RIMS2: variants seen among roughly 807,000 people sequenced by gnomAD.
The protein encoded by RIMS2 is regulating synaptic membrane exocytosis protein 2.
RIMS2 carries 59 observed loss-of-function variants against 174.4 expected under a neutral mutation model. The ratio of observed to expected loss-of-function variants is 0.34; its 90% confidence interval spans 0.27 to 0.42. The LOEUF (loss-of-function observed/expected upper bound fraction) is 0.42, where lower values mean the gene tolerates loss of function less well. Among genes scored for constraint, RIMS2 ranks in the 10% least tolerant of loss-of-function variants. The pLI is 1.00. For missense variants in RIMS2, 1,620 were observed against 1,666.3 expected (o/e 0.97, Z 0.48); for synonymous variants, 606 against 572.5 (o/e 1.06, Z -0.84).
chr8:103,725,869 T>C (rs769941677), intron 2 of RIMS2, among the ~76,000 whole-genome samples: 22 of 152,306 alleles, frequency 1.4e-4, no homozygotes, highest in Middle Eastern at 6.8e-3. Context: ...AGCATTTGGT[T>C]GGGTTACTGG....
intron 2 of RIMS2, among the ~76,000 whole-genome samples, chr8:103,758,924 G>A (rs2098070240): frequency 6.6e-6 from 1 of 152,190 alleles, no homozygotes; most frequent in Non-Finnish European, 1.5e-5. Flanking sequence ...GGATGAAATC[G>A]ATGAAATGGG....
At chr8:103,664,874 C>A (rs1243664252) in intron 1 of RIMS2, among the ~76,000 whole-genome samples, 1 of 152,172 alleles carries the variant, frequency 6.6e-6, no homozygotes, top group African/African-American at 2.4e-5. Context: ...TTGGAACCAA[C>A]CCAAATGTCC....
intron 19 of RIMS2, among the ~76,000 whole-genome samples, chr8:104,197,464 A>G (rs543928179): frequency 1.6e-4 from 24 of 152,346 alleles, no homozygotes; most frequent in Admixed American, 1.5e-3. Flanking sequence ...GGCGTGAGCC[A>G]CTGTGCCTGG....
rs565894183 is a variant in RIMS2, at chr8:104,025,704, C to T, written c.3334+11089C>T. On this transcript the variant is annotated intron_variant, in intron 19 of 23. Coordinates refer to ENST00000504942, the Ensembl canonical transcript of RIMS2. The stretch of plus-strand genomic sequence containing the variant: ...TGATCACCCTGAAGCAGTTGTTAAA[C>T]GTATACACACACACACACACACACA... Among the ~76,000 whole-genome samples, 9 of 130,414 alleles carry T rather than the reference C, an allele frequency of 6.9e-5. No individual in the cohort carries two copies. The East Asian group carries it at 8.0e-4, about 12-fold the overall frequency. 85.6% of individuals were successfully genotyped at this position (130,414 alleles called of 152,430 possible). A position where few individuals can be genotyped will look rare whatever the true frequency, so the allele number is the denominator to read the frequency against.
At chr8:104,066,359 C>T (rs191978154) in intron 19 of RIMS2, among the ~76,000 whole-genome samples, 107 of 150,944 alleles carry the variant, frequency 7.1e-4, no homozygotes, top group African/African-American at 2.5e-3. Context: ...CCTGTTTCTA[C>T]GTATATATTT....
chr8:103,643,970 T>G (rs1250243538), intron 1 of RIMS2, among the ~76,000 whole-genome samples: 2 of 152,056 alleles, frequency 1.3e-5, no homozygotes, highest in African/African-American at 4.8e-5. Flanking sequence ...TAGTTTCCCT[T>G]GAGAGAAGAC....
intron 19 of RIMS2, among the ~76,000 whole-genome samples, chr8:104,053,985 C>G (rs1340679096): frequency 6.6e-6 from 1 of 152,070 alleles, no homozygotes; most frequent in African/African-American, 2.4e-5. Flanking sequence ...ACAACTCACT[C>G]TAGTTTGCAG....
chr8:103,782,529 A>T (rs2098401752), intron 3 of RIMS2, among the ~76,000 whole-genome samples: 1 of 151,920 alleles, frequency 6.6e-6, no homozygotes, highest in African/African-American at 2.4e-5. Flanking sequence ...AAGTACAATC[A>T]CTTGGTTAAA....
intron 1 of RIMS2, among the ~76,000 whole-genome samples, chr8:103,646,514 A>G (rs1465149549): frequency 1.3e-5 from 2 of 152,062 alleles, no homozygotes; most frequent in African/African-American, 4.8e-5. Flanking sequence ...AGCATCTGTT[A>G]GCTGTTCCTC....
intron 19 of RIMS2, among the ~76,000 whole-genome samples, chr8:104,239,720 A>C (rs770066682): frequency 1.7e-4 from 26 of 152,212 alleles, no homozygotes; most frequent in Non-Finnish European, 3.4e-4. Flanking sequence ...TTACTGTATT[A>C]GTTTTATATT....
chr8:103,522,865 C>T (rs570019487), intron 1 of RIMS2, among the ~76,000 whole-genome samples: 1 of 152,138 alleles, frequency 6.6e-6, no homozygotes, highest in African/African-American at 2.4e-5. Context: ...TCTTTTCCTC[C>T]TTGAGTTTAG....
rs138935693 is a variant in RIMS2 at position 103,676,827 on chromosome 8, G to A, written c.177-20259G>A. On this transcript the variant is annotated intron_variant, in intron 1 of 23. Transcript: ENST00000504942. ...GTGAAACACTGTCTCTACTAAAAAT[G>A]CAAAAAATTAGCCAGGCATGGTGGC... 6.1e-3 allele frequency among the ~76,000 whole-genome samples: 929 copies of A among 151,952 alleles called. 10 individuals carry two copies. The highest frequency in any genetic ancestry group is 0.021 in the African/African-American group (879 of 41,462).
At chr8:104,119,483 A>G (rs2098338090) in intron 19 of RIMS2, among the ~76,000 whole-genome samples, 1 of 152,330 alleles carries the variant, frequency 6.6e-6, no homozygotes, top group South Asian at 2.1e-4. Context: ...CTTTGCCCAT[A>G]AGATTGAAGA....
At chr8:103,943,559 A>G (rs2083038738) in intron 14 of RIMS2, among the ~76,000 whole-genome samples, 1 of 152,172 alleles carries the variant, frequency 6.6e-6, no homozygotes, top group Admixed American at 6.5e-5. Flanking sequence ...TGTTATTATC[A>G]TCTACCTGCA....
At chr8:103,790,435 T>C (rs996004596) in intron 3 of RIMS2, among the ~76,000 whole-genome samples, 2 of 152,228 alleles carry the variant, frequency 1.3e-5, no homozygotes, top group Non-Finnish European at 2.9e-5. Context: ...GAATCAATAA[T>C]TCATTCCTTT....
chr8:103,880,765 A>T (rs539476878), intron 3 of RIMS2: 3 of 419,778 alleles, frequency 7.1e-6, no homozygotes, highest in African/African-American at 2.1e-5. Flanking sequence ...TTATAAATAG[A>T]AATTGATTTA....
intron 15 of RIMS2, among the ~76,000 whole-genome samples, chr8:103,970,028 G>A (rs530025404): frequency 1.3e-5 from 2 of 152,306 alleles, no homozygotes; most frequent in African/African-American, 2.4e-5. Flanking sequence ...GAGATTACAG[G>A]TGTGAGCCAC....
intron 3 of RIMS2, among the ~76,000 whole-genome samples, chr8:103,768,047 G>A (rs926481016): frequency 2.0e-5 from 3 of 152,216 alleles, no homozygotes; most frequent in Admixed American, 2.0e-4. Flanking sequence ...ATTTTGCTAT[G>A]TAGGGAATGG....
At chr8:104,073,231 A>G (rs1456424878) in intron 19 of RIMS2, among the ~76,000 whole-genome samples, 2 of 152,208 alleles carry the variant, frequency 1.3e-5, no homozygotes, top group Non-Finnish European at 1.5e-5. Context: ...GTATTTATAC[A>G]TGGAAATTAA....
Sources: allele counts gnomAD v4.1 joint callset (sites outside exome capture counted in the v4.1 genomes callset), GRCh38; gene constraint gnomAD v4.1.1; transcripts MANE v1.5; gene names NCBI Gene and HGNC (gene_info 2026-07-23, HGNC 2026-07-21).